NBEA: variants seen among roughly 807,000 people sequenced by gnomAD.
The protein encoded by NBEA is neurobeachin.
NBEA carries 44 observed loss-of-function variants against 343.4 expected under a neutral mutation model. That is an observed-to-expected ratio of 0.13 (90% CI 0.10 to 0.16). The LOEUF is 0.16. Among genes scored for constraint, NBEA ranks in the 10% least tolerant of loss-of-function variants. NBEA has a pLI of 1.00. For missense variants in NBEA, 2,555 were observed against 3,631.3 expected, an observed-to-expected ratio of 0.70 and a Z score of 7.62; for synonymous variants, 1,175 against 1,238.7, an observed-to-expected ratio of 0.95 and a Z score of 1.08.
chr13:35,357,880 A>G (rs999882695), intron 38 of NBEA, among the ~76,000 whole-genome samples: 6 of 152,246 alleles, frequency 3.9e-5, no homozygotes, highest in Middle Eastern at 3.4e-3. Context: ...TAGATATCCA[A>G]TGCTTATTAG....
intron 10 of NBEA, among the ~76,000 whole-genome samples, chr13:35,087,818 A>G (rs1000857970): frequency 2.6e-4 from 39 of 151,938 alleles, no homozygotes; most frequent in African/African-American, 9.4e-4. Context: ...GTAGGAACAA[A>G]TGGTATAACC....
At chr13:35,235,936 A>G (rs1321342882) in intron 34 of NBEA, among the ~76,000 whole-genome samples, 2 of 152,264 alleles carry the variant, frequency 1.3e-5, no homozygotes, top group African/African-American at 4.8e-5. Flanking sequence ...TAGATATTAA[A>G]AAGTTCATTT....
intron 33 of NBEA, among the ~76,000 whole-genome samples, chr13:35,221,540 T>A (rs1241461363): frequency 2.0e-5 from 3 of 152,146 alleles, no homozygotes. Flanking sequence ...TTTCTTGTTA[T>A]TATTATGTGA....
Position 35,633,344 on chromosome 13 carries a change from C to T in NBEA, c.7617+5096C>T, listed in dbSNP as rs544245172. Among the ~76,000 whole-genome samples the T allele has an allele frequency of 3.1e-3, 459 of 150,436 alleles. 2 individuals carry two copies. The highest frequency in any genetic ancestry group is 0.011 in the African/African-American group (445 of 41,190). ...GTCTCAATTTCCTGATCTTGTGATCCGCCCACCTCGGCCTTCCAAAGTGCT... is the reference window on the plus strand; with the variant it reads ...GTCTCAATTTCCTGATCTTGTGATCTGCCCACCTCGGCCTTCCAAAGTGCT... On this transcript the variant is annotated intron_variant, in intron 49 of 58. Transcript: ENST00000379939.
intron 36 of NBEA, among the ~76,000 whole-genome samples, chr13:35,315,628 A>C (rs1199616204): frequency 6.6e-6 from 1 of 152,150 alleles, no homozygotes; most frequent in Non-Finnish European, 1.5e-5. Flanking sequence ...TTGAATATTC[A>C]TCAGAAAAGA....
chr13:35,265,092 G>A (rs548729340), intron 34 of NBEA, among the ~76,000 whole-genome samples: 51 of 151,936 alleles, frequency 3.4e-4, no homozygotes, highest in African/African-American at 1.1e-3. Flanking sequence ...TACATTGACA[G>A]CAAATTATTT....
At chr13:35,478,913 A>G (rs2076002515) in intron 41 of NBEA, among the ~76,000 whole-genome samples, 1 of 152,224 alleles carries the variant, frequency 6.6e-6, no homozygotes, top group East Asian at 1.9e-4. Context: ...GTCCAACGGG[A>G]AGGACGCGGG....
intron 33 of NBEA, among the ~76,000 whole-genome samples, chr13:35,227,942 T>C (rs1245526389): frequency 1.3e-5 from 2 of 151,818 alleles, no homozygotes; most frequent in African/African-American, 4.8e-5. Context: ...TTCATTTAGA[T>C]GACAGGAGAG....
In NBEA at chr13:35,109,329, T is replaced by C; in HGVS notation, c.1720T>C (p.Phe574Leu). Reference protein sequence around the residue: ...VHITRAVLEQFLSFAKYLDGL... With the variant: ...VHITRAVLEQLLSFAKYLDGL... Reference sequence around the variant, plus strand: ...TATAACTAGAGCTGTCCTGGAGCAATTTTTATCTTTTGCAAAATACCTTGA... The same window carrying C: ...TATAACTAGAGCTGTCCTGGAGCAACTTTTATCTTTTGCAAAATACCTTGA... Residue 574 changes from phenylalanine to leucine, a missense_variant, in exon 12 of 59, where the codon TTT becomes CTT. Phe to Leu is a conservative substitution (Grantham distance 22). Coordinates refer to ENST00000379939, the MANE Select transcript of NBEA (RefSeq NM_001385012.1). The C allele has an allele frequency of 6.2e-7, 1 of 1,612,176 alleles. No homozygotes were observed. The highest frequency in any genetic ancestry group is 8.5e-7 in the Non-Finnish European group (1 of 1,178,938).
intron 41 of NBEA, among the ~76,000 whole-genome samples, chr13:35,517,531 G>T (rs1361533522): frequency 6.6e-6 from 1 of 152,026 alleles, no homozygotes; most frequent in Non-Finnish European, 1.5e-5. Context: ...TTGCCCATTT[G>T]AATTACTTAG....
intron 17 of NBEA, among the ~76,000 whole-genome samples, chr13:35,129,560 A>G (rs1326495737): frequency 6.6e-6 from 1 of 152,168 alleles, no homozygotes; most frequent in Non-Finnish European, 1.5e-5. Context: ...GAGGGATAGA[A>G]CTGAAGAAAT....
rs138704415 is a variant in NBEA, at chr13:35,294,119, T to A, written c.5838+3669T>A. On this transcript the variant is annotated intron_variant, in intron 35 of 58. Coordinates refer to ENST00000379939, the MANE Select transcript of NBEA (RefSeq NM_001385012.1). ...TGAATTATTTTGTGGTTTGTTTGAA[T>A]TTACTTTTTTCTAAATACCTCATAT... Among the ~76,000 whole-genome samples, 629 of 152,162 alleles carry A rather than the reference T, an allele frequency of 4.1e-3. 4 individuals carry two copies. Among genetic ancestry groups the A allele is most frequent in the African/African-American group, 0.015 (609 of 41,560 alleles).
rs2045578940 is a variant in NBEA, at chr13:35,438,763, T to C, written c.6304+6370T>C. 4.6e-5 allele frequency among the ~76,000 whole-genome samples: 7 copies of C among 152,222 alleles called. No individual in the cohort carries two copies. In the South Asian group the frequency reaches 1.4e-3, roughly 31 times the overall value. On this transcript the variant is annotated intron_variant, in intron 39 of 58. Coordinates refer to ENST00000379939, the MANE Select transcript of NBEA (RefSeq NM_001385012.1). ...TTTTGGTGTCAGTGTCATATTTTAG[T>C]ATCATAGCCTTGTCTTCACCCTATG...
At chr13:35,055,977 T>G in intron 6 of NBEA, 33 bp from the exon 7 acceptor site, 1 of 1,521,130 alleles carries the variant, frequency 6.6e-7, no homozygotes, top group South Asian at 1.3e-5. Flanking sequence ...AACCAAACAT[T>G]ACATATTGAT....
intron 22 of NBEA, among the ~76,000 whole-genome samples, chr13:35,160,432 C>A (rs1373561738): frequency 1.3e-5 from 2 of 152,094 alleles, no homozygotes; most frequent in East Asian, 3.9e-4. Flanking sequence ...GCTTCAGGCC[C>A]AACCCTGTTC....
At chr13:35,382,146 A>G (rs1277616022) in intron 38 of NBEA, among the ~76,000 whole-genome samples, 2 of 152,106 alleles carry the variant, frequency 1.3e-5, no homozygotes, top group Non-Finnish European at 1.5e-5. Context: ...ACTAGCCAGG[A>G]TATTTATCAT....
At chr13:35,155,468 A>G (rs1304488100) in intron 18 of NBEA, among the ~76,000 whole-genome samples, 1 of 152,102 alleles carries the variant, frequency 6.6e-6, no homozygotes, top group African/African-American at 2.4e-5. Context: ...TACTAAAAAT[A>G]CAAAAAATTA....
intron 1 of NBEA, among the ~76,000 whole-genome samples, chr13:34,992,124 GT>G (rs2060773396): frequency 6.8e-6 from 1 of 147,032 alleles, no homozygotes; most frequent in African/African-American, 2.5e-5. Context: ...TTTTTGACAA[GT>G]TTTTTGAATT....
chr13:34,988,824 A>AT (rs1307013544), intron 1 of NBEA, among the ~76,000 whole-genome samples: 2 of 150,552 alleles, frequency 1.3e-5, no homozygotes, highest in African/African-American at 4.9e-5. Context: ...TAATTTCTGA[A>AT]TTTTTTATTT....
Sources: gnomAD v4.1 joint callset for allele counts (sites outside exome capture counted in the v4.1 genomes callset) on GRCh38, gnomAD v4.1.1 for gene constraint, MANE v1.5 for transcripts, NCBI Gene and HGNC (gene_info 2026-07-23, HGNC 2026-07-21) for gene names.